The following ADGRL3 variants were observed in gnomAD, a reference collection of about 807,000 sequenced individuals.
ADGRL3 encodes the protein calcium-independent alpha-latrotoxin receptor 3.
ADGRL3 carries 62 observed loss-of-function variants against 153.5 expected under a neutral mutation model. The observed-to-expected ratio is 0.40, with a 90% CI of 0.33 to 0.50. The LOEUF is 0.50. ADGRL3 is among the 20% of genes least tolerant of loss of function. The pLI is 0.47. For missense variants in ADGRL3, 1,641 were observed against 1,859.4 expected, an observed-to-expected ratio of 0.88 and a Z score of 2.16; for synonymous variants, 710 against 672.5, an observed-to-expected ratio of 1.06 and a Z score of -0.86.
At chr4:61,727,761 TAC>T (rs745486312) in intron 6 of ADGRL3, among the ~76,000 whole-genome samples, 3 of 152,186 alleles carry the variant, frequency 2.0e-5, no homozygotes, top group Non-Finnish European at 4.4e-5. Flanking sequence ...CCCATTAAAA[TAC>T]ACAGACATTA....
At chr4:61,939,328 A>C (rs950569546) in intron 15 of ADGRL3, among the ~76,000 whole-genome samples, 4 of 152,198 alleles carry the variant, frequency 2.6e-5, no homozygotes, top group African/African-American at 9.7e-5. Context: ...TAATTTTATA[A>C]TATCACAAAA....
chr4:61,609,576 T>C (rs1366070694), intron 5 of ADGRL3, among the ~76,000 whole-genome samples: 3 of 152,088 alleles, frequency 2.0e-5, no homozygotes, highest in Non-Finnish European at 4.4e-5. Flanking sequence ...AATCACATTA[T>C]TAATATTGAG....
At chr4:61,680,432 GT>G (rs2054057317) in intron 6 of ADGRL3, among the ~76,000 whole-genome samples, 1 of 101,004 alleles carries the variant, frequency 9.9e-6, no homozygotes, top group African/African-American at 3.0e-5. Flanking sequence ...GTGTGTGTGT[GT>G]GTGTGTGTGT....
chr4:61,728,490 C>T (rs1006848010), intron 6 of ADGRL3, among the ~76,000 whole-genome samples: 1 of 152,012 alleles, frequency 6.6e-6, no homozygotes, highest in Non-Finnish European at 1.5e-5. Context: ...TTTTTTGTTA[C>T]ATAGCCTGTC....
At chr4:61,641,590 TCCATGTC>T (rs940505634) in intron 5 of ADGRL3, among the ~76,000 whole-genome samples, 1 of 151,940 alleles carries the variant, frequency 6.6e-6, no homozygotes, top group Non-Finnish European at 1.5e-5. Flanking sequence ...TCCAATTTCA[TCCATGTC>T]CCTACAAAGG....
chr4:61,619,680 T>G (rs1229380862), intron 5 of ADGRL3, among the ~76,000 whole-genome samples: 1 of 152,216 alleles, frequency 6.6e-6, no homozygotes, highest in Non-Finnish European at 1.5e-5. Context: ...TTGAAACTCA[T>G]AAGGTGGCTG....
At chr4:62,005,067 T>C (rs1411274439) in intron 21 of ADGRL3, among the ~76,000 whole-genome samples, 1 of 152,170 alleles carries the variant, frequency 6.6e-6, no homozygotes, top group East Asian at 1.9e-4. Context: ...GTTGAGACTT[T>C]CCTAAGGTAA....
chr4:61,980,901 A>T (rs1472304137), intron 18 of ADGRL3, among the ~76,000 whole-genome samples: 1 of 152,156 alleles, frequency 6.6e-6, no homozygotes, highest in Non-Finnish European at 1.5e-5. Context: ...CCAAGATGTC[A>T]TCTGTGCTTT....
intron 2 of ADGRL3, among the ~76,000 whole-genome samples, chr4:61,452,740 C>T (rs1225454121): frequency 1.3e-5 from 2 of 151,984 alleles, no homozygotes; most frequent in Non-Finnish European, 2.9e-5. Context: ...AAATTTGGAG[C>T]ATTTGTGATA....
At chr4:61,742,403 C>T (rs555222758) in intron 8 of ADGRL3, among the ~76,000 whole-genome samples, 47 of 152,070 alleles carry the variant, frequency 3.1e-4, no homozygotes, top group East Asian at 1.2e-3. Flanking sequence ...CTCAGCCTCC[C>T]GAGTAGCTGG....
intron 19 of ADGRL3, among the ~76,000 whole-genome samples, chr4:61,986,414 T>G (rs1369862695): frequency 2.6e-5 from 4 of 152,190 alleles, no homozygotes; most frequent in East Asian, 1.9e-4. Context: ...ACAGATGTCA[T>G]TTTTTGGATA....
chr4:61,892,773 G>T lies in ADGRL3; in HGVS notation c.1598G>T (p.Arg533Leu). 6.2e-7 allele frequency: 1 copy of T among 1,613,828 alleles called. No individual in the cohort carries two copies. Among genetic ancestry groups the T allele is most frequent in the Non-Finnish European group, 8.5e-7 (1 of 1,179,840 alleles). Residue 533 changes from arginine to leucine, a missense_variant, in exon 10 of 27, where the codon CGG becomes CTG. Arg to Leu is a moderately radical substitution (Grantham distance 102). Transcript: ENST00000683033. ...CCGTCAGTGTCAGGAAGAAGAAACC[G>T]GAGTACTAGTACCCCATCTCCAGCT... ...TTPSVSGRRN[R>L]STSTPSPAVE...
At chr4:61,487,323 A>G (rs997835215) in intron 2 of ADGRL3, among the ~76,000 whole-genome samples, 23 of 152,186 alleles carry the variant, frequency 1.5e-4, no homozygotes, top group African/African-American at 5.5e-4. Context: ...AATTAGGAAT[A>G]AGATAGCCCC....
At chr4:61,980,941 A>G (rs12498867) in intron 18 of ADGRL3, among the ~76,000 whole-genome samples, 20,396 of 152,110 alleles carry the variant, frequency 0.13, 1,731 homozygotes, top group East Asian at 0.25. Flanking sequence ...TGCTATAACC[A>G]TATGTGTGCA....
At chr4:61,255,383 AT>A (rs946230111) in intron 1 of ADGRL3, among the ~76,000 whole-genome samples, 61 of 151,862 alleles carry the variant, frequency 4.0e-4, no homozygotes, top group African/African-American at 1.5e-3. Context: ...TTTCTGTAAA[AT>A]TTTTTTTTCT....
intron 21 of ADGRL3, among the ~76,000 whole-genome samples, chr4:62,006,274 G>A (rs1192630935): frequency 6.6e-6 from 1 of 151,646 alleles, no homozygotes; most frequent in African/African-American, 2.4e-5. Context: ...GACCTTAGGT[G>A]ATCAGCCCGC....
At position 61,538,470 on chromosome 4, in the gene ADGRL3, G is replaced by A. The variant is rs561005338; in HGVS notation, c.259+20952G>A. Reference sequence around the variant, plus strand: ...TGTTTTTTTGTTGAGATGGAGTTTCGATCTTGTTGCCCAGGCTGGAGGGCA... The same window carrying A: ...TGTTTTTTTGTTGAGATGGAGTTTCAATCTTGTTGCCCAGGCTGGAGGGCA... On this transcript the variant is annotated intron_variant, in intron 4 of 26. Coordinates refer to ENST00000683033, the MANE Select transcript of ADGRL3 (RefSeq NM_001387552.1). 5.9e-5 allele frequency among the ~76,000 whole-genome samples: 9 copies of A among 152,048 alleles called. No homozygotes were observed. In the East Asian group the frequency reaches 1.8e-3, roughly 30 times the overall value.
At chr4:61,567,139 C>T (rs1017516058) in intron 4 of ADGRL3, among the ~76,000 whole-genome samples, 4 of 152,186 alleles carry the variant, frequency 2.6e-5, no homozygotes, top group Admixed American at 2.6e-4. Context: ...TTGAGTTCAT[C>T]AGCTCTGTAA....
At chr4:61,634,604 G>A (rs1186138610) in intron 5 of ADGRL3, among the ~76,000 whole-genome samples, 5 of 151,898 alleles carry the variant, frequency 3.3e-5, no homozygotes, top group African/African-American at 4.8e-5. Context: ...ACACAGCTCC[G>A]AAGAAAAAAG....
Sources: gnomAD v4.1 joint callset for allele counts (sites outside exome capture counted in the v4.1 genomes callset) on GRCh38, gnomAD v4.1.1 for gene constraint, MANE v1.5 for transcripts, NCBI Gene and HGNC (gene_info 2026-07-23, HGNC 2026-07-21) for gene names.